The following CCDC175 variants were observed in gnomAD, a reference collection of about 807,000 sequenced individuals.
CCDC175 encodes coiled-coil domain containing 175, also known as coiled-coil domain-containing protein 175.
Under a neutral mutation model 114.6 loss-of-function variants are expected in CCDC175, and 100 were observed. That is an observed-to-expected ratio of 0.87 (90% confidence interval 0.74 to 1.03). The LOEUF (loss-of-function observed/expected upper bound fraction) is 1.03. CCDC175 is among the 50% of genes least tolerant of loss of function. The pLI, the probability that CCDC175 is intolerant of heterozygous loss-of-function variation, is 0.00. For missense variants in CCDC175, 880 were observed against 917.8 expected (o/e 0.96, Z 0.53); for synonymous variants, 306 against 308.7 (o/e 0.99, Z 0.09).
chr14:59,535,694 G>A (rs552851876), intron 13 of CCDC175, among the ~76,000 whole-genome samples: 47 of 152,306 alleles, frequency 3.1e-4, no homozygotes, highest in Non-Finnish European at 6.3e-4. Flanking sequence ...GATTATTTCA[G>A]CTCTCCACTC....
intron 5 of CCDC175, among the ~76,000 whole-genome samples, 153 bp from the exon 6 acceptor site, chr14:59,564,012 AG>A (rs1225398614): frequency 6.6e-6 from 1 of 152,206 alleles, no homozygotes; most frequent in Non-Finnish European, 1.5e-5. Flanking sequence ...CCTAAAAACC[AG>A]GGTTTCCTTA....
intron 7 of CCDC175, among the ~76,000 whole-genome samples, chr14:59,555,696 G>A (rs1895849157): frequency 6.6e-6 from 1 of 152,202 alleles, no homozygotes; most frequent in South Asian, 2.1e-4. Context: ...CAGATGACAT[G>A]ATTGTATATT....
intron 18 of CCDC175, 65 bp from the exon 19 acceptor site, chr14:59,510,873 T>C: frequency 7.2e-7 from 1 of 1,397,046 alleles, no homozygotes; most frequent in South Asian, 1.4e-5. Flanking sequence ...ATACACATTC[T>C]AAGTGGATCA....
intron 16 of CCDC175, among the ~76,000 whole-genome samples, chr14:59,524,743 CA>C (rs1893642570): frequency 6.6e-6 from 1 of 151,996 alleles, no homozygotes; most frequent in Non-Finnish European, 1.5e-5. Flanking sequence ...TATGTATGTT[CA>C]CCAAAAAAAC....
At chr14:59,566,272 G>A (rs1237359403) in intron 4 of CCDC175, among the ~76,000 whole-genome samples, 1 of 152,192 alleles carries the variant, frequency 6.6e-6, no homozygotes, top group African/African-American at 2.4e-5. Context: ...TCTACCCAGA[G>A]GCTAACAACA....
intron 1 of CCDC175, among the ~76,000 whole-genome samples, chr14:59,575,548 C>G (rs1897065883): frequency 6.9e-6 from 1 of 144,454 alleles, no homozygotes; most frequent in Non-Finnish European, 1.5e-5. Context: ...CTCGCTCTGT[C>G]GCGCAGGCTG....
chr14:59,562,836 G>T (rs1896300255), intron 6 of CCDC175, among the ~76,000 whole-genome samples: 1 of 152,112 alleles, frequency 6.6e-6, no homozygotes, highest in Non-Finnish European at 1.5e-5. Context: ...TAGGCTTAGT[G>T]CTTCCTTACT....
At chr14:59,535,422 T>G (rs1894336954) in intron 13 of CCDC175, among the ~76,000 whole-genome samples, 1 of 152,250 alleles carries the variant, frequency 6.6e-6, no homozygotes, top group South Asian at 2.1e-4. Flanking sequence ...AATAGGATCC[T>G]TATTCCTTAT....
At chr14:59,536,539 T>C (rs1894405855) in intron 13 of CCDC175, among the ~76,000 whole-genome samples, 1 of 151,956 alleles carries the variant, frequency 6.6e-6, no homozygotes, top group Non-Finnish European at 1.5e-5. Context: ...CCTAGACTAA[T>C]GCTTTCCACC....
chr14:59,534,217 C>T (rs1894260794), intron 13 of CCDC175, among the ~76,000 whole-genome samples: 1 of 152,094 alleles, frequency 6.6e-6, no homozygotes, highest in East Asian at 1.9e-4. Flanking sequence ...TGCCTGTGGG[C>T]TCAGGTTGTT....
chr14:59,507,502 C>T (rs1892496005), intron 19 of CCDC175, among the ~76,000 whole-genome samples: 1 of 152,160 alleles, frequency 6.6e-6, no homozygotes, highest in African/African-American at 2.4e-5. Flanking sequence ...GCAGGACCTG[C>T]AGGGCTGCAG....
intron 17 of CCDC175, among the ~76,000 whole-genome samples, chr14:59,519,830 G>A (rs898340492): frequency 1.3e-5 from 2 of 152,158 alleles, no homozygotes; most frequent in African/African-American, 2.4e-5. Flanking sequence ...GTCATAAGAC[G>A]CCATGAACTT....
intron 8 of CCDC175, among the ~76,000 whole-genome samples, chr14:59,546,587 G>A (rs1895124452): frequency 6.6e-6 from 1 of 152,142 alleles, no homozygotes; most frequent in Non-Finnish European, 1.5e-5. Context: ...TACTAACATA[G>A]AAGAAACCAC....
intron 14 of CCDC175, among the ~76,000 whole-genome samples, chr14:59,530,994 A>G (rs1038879295): frequency 1.3e-5 from 2 of 152,088 alleles, no homozygotes; most frequent in Non-Finnish European, 2.9e-5. Flanking sequence ...ACAAGACTCA[A>G]AACCCAAAAA....
intron 12 of CCDC175, 41 bp downstream of exon 12, chr14:59,538,664 C>T: frequency 1.4e-6 from 2 of 1,445,100 alleles, no homozygotes; most frequent in Admixed American, 2.4e-5. Context: ...TGCTGATATG[C>T]AATGTAGGGG....
At chr14:59,508,517 G>A (rs1892569775) in intron 19 of CCDC175, among the ~76,000 whole-genome samples, 1 of 145,446 alleles carries the variant, frequency 6.9e-6, no homozygotes, top group Non-Finnish European at 1.5e-5. Flanking sequence ...GAGACTGGGA[G>A]GCAGAGGTTG....
intron 2 of CCDC175, 67 bp from the exon 3 acceptor site, chr14:59,572,880 A>G (rs1265768294): frequency 4.7e-5 from 42 of 901,614 alleles, no homozygotes; most frequent in Non-Finnish European, 6.5e-5. Context: ...TTCCTAAACA[A>G]TGCCCTACAA....
chr14:59,538,403 A>C (rs1566613110), intron 12 of CCDC175, among the ~76,000 whole-genome samples: 1 of 152,222 alleles, frequency 6.6e-6, no homozygotes, highest in East Asian at 1.9e-4. Context: ...GAGGGTAACT[A>C]TAAAAGCTTA....
chr14:59,530,575 A>C (rs1414039363), intron 14 of CCDC175, among the ~76,000 whole-genome samples: 1 of 152,142 alleles, frequency 6.6e-6, no homozygotes, highest in Admixed American at 6.5e-5. Context: ...AAGTTGACTA[A>C]ATGAAAACCT....
Sources: allele counts gnomAD v4.1 joint callset (sites outside exome capture counted in the v4.1 genomes callset), GRCh38; gene constraint gnomAD v4.1.1; transcripts MANE v1.5; gene names NCBI Gene and HGNC (gene_info 2026-07-23, HGNC 2026-07-21).